NEGR1: variants seen among roughly 807,000 people sequenced by gnomAD.
NEGR1 encodes the protein neuronal growth regulator 1.
NEGR1 carries 10 observed loss-of-function variants against 40.9 expected under a neutral mutation model. The observed-to-expected ratio is 0.24, with a 90% CI of 0.15 to 0.42. The LOEUF (loss-of-function observed/expected upper bound fraction) is 0.42, where lower values mean the gene tolerates loss of function less well. Ranked by LOEUF, NEGR1 falls within the 10% of genes least tolerant of loss-of-function variation. The pLI is 1.00. For missense variants in NEGR1, 352 were observed against 438.9 expected, an observed-to-expected ratio of 0.80 and a Z score of 1.77; for synonymous variants, 185 against 166.8, an observed-to-expected ratio of 1.11 and a Z score of -0.84.
chr1:71,585,873 G>T (rs776258202), intron 6 of NEGR1, among the ~76,000 whole-genome samples: 2 of 151,994 alleles, frequency 1.3e-5, no homozygotes, highest in South Asian at 4.2e-4. Context: ...AGTTATTCAG[G>T]TTATATAGAT....
intron 6 of NEGR1, among the ~76,000 whole-genome samples, chr1:71,416,523 G>T (rs909530222): frequency 6.6e-6 from 1 of 151,930 alleles, no homozygotes; most frequent in African/African-American, 2.4e-5. Flanking sequence ...TGATTATCTG[G>T]CCTTGTAGTT....
rs183540109 is a variant in NEGR1 at position 72,135,509 on chromosome 1, A to T, written c.176+146810T>A. The stretch of plus-strand genomic sequence containing the variant: ...CAGTGATCTCTGGGAGATGGAAAAC[A>T]AATGAGTTAGATCTATGAATGCATC... On this transcript the variant is annotated intron_variant, in intron 1 of 6. Transcript: ENST00000357731. 3.3e-5 allele frequency among the ~76,000 whole-genome samples: 5 copies of T among 152,152 alleles called. No individual in the cohort carries two copies. In the East Asian group the frequency reaches 7.7e-4, roughly 24 times the overall value.
intron 4 of NEGR1, among the ~76,000 whole-genome samples, chr1:71,668,185 A>G (rs1252852074): frequency 2.0e-5 from 3 of 152,130 alleles, no homozygotes; most frequent in African/African-American, 7.2e-5. Context: ...AACAACCCTC[A>G]GTTTATCACA....
At chr1:72,245,882 A>G (rs1654886346) in intron 1 of NEGR1, among the ~76,000 whole-genome samples, 1 of 152,200 alleles carries the variant, frequency 6.6e-6, no homozygotes, top group South Asian at 2.1e-4. Context: ...AAAGTTTCAA[A>G]AATTTAATGA....
At chr1:71,896,058 G>A (rs1272155944) in intron 2 of NEGR1, among the ~76,000 whole-genome samples, 4 of 39,998 alleles carry the variant, frequency 1.0e-4, no homozygotes, top group Non-Finnish European at 1.4e-4. Flanking sequence ...TTTTTTTTTT[G>A]AGACAGTCTG....
At chr1:71,784,805 GT>G in intron 2 of NEGR1, among the ~76,000 whole-genome samples, 1 of 152,180 alleles carries the variant, frequency 6.6e-6, no homozygotes, top group Non-Finnish European at 1.5e-5. Flanking sequence ...CATGAAGTAG[GT>G]TTAGTATACA....
chr1:72,139,185 G>C (rs2100331296), intron 1 of NEGR1, among the ~76,000 whole-genome samples: 1 of 147,888 alleles, frequency 6.8e-6, no homozygotes, highest in Non-Finnish European at 1.5e-5. Context: ...TAATGGCCTA[G>C]ATTAGTAATT....
rs541513538 is a variant in NEGR1 at position 71,611,175 on chromosome 1, A to G, written c.668-29T>C. ...CAAAAGAAACAAACAAACAAATACT[A>G]GTAGATAAGTAAAAATAATCCTCAA... On this transcript the variant is annotated intron_variant, in intron 4 of 6. Coordinates refer to ENST00000357731, the MANE Select transcript of NEGR1 (RefSeq NM_173808.3). 6.9e-6 allele frequency: 11 copies of G among 1,592,798 alleles called. No individual in the cohort carries two copies. The South Asian group carries it at 1.2e-4, about 18-fold the overall frequency.
At chr1:71,428,369 C>T (rs1207427257) in intron 6 of NEGR1, among the ~76,000 whole-genome samples, 1 of 152,034 alleles carries the variant, frequency 6.6e-6, no homozygotes, top group Admixed American at 6.6e-5. Context: ...TAGTAGTGTT[C>T]AAATCAATGT....
intron 1 of NEGR1, among the ~76,000 whole-genome samples, chr1:72,105,462 G>T (rs1367578760): frequency 1.3e-5 from 2 of 151,910 alleles, no homozygotes; most frequent in South Asian, 2.1e-4. Flanking sequence ...GCACTTTGGT[G>T]GGGGGCCGAG....
At chr1:71,970,661 C>T (rs749515233) in intron 1 of NEGR1, among the ~76,000 whole-genome samples, 1 of 152,036 alleles carries the variant, frequency 6.6e-6, no homozygotes, top group Non-Finnish European at 1.5e-5. Context: ...GCAATCCACC[C>T]TGGGCAACAG....
chr1:72,239,412 C>T (rs1345722716), intron 1 of NEGR1, among the ~76,000 whole-genome samples: 1 of 151,636 alleles, frequency 6.6e-6, no homozygotes, highest in East Asian at 1.9e-4. Flanking sequence ...TTGTATTTTA[C>T]TTGTTTTGTT....
intron 4 of NEGR1, among the ~76,000 whole-genome samples, chr1:71,639,775 T>C (rs1167534310): frequency 6.6e-6 from 1 of 151,924 alleles, no homozygotes; most frequent in Non-Finnish European, 1.5e-5. Context: ...AGAGGCAGCA[T>C]GAATGGAGAC....
chr1:72,122,588 T>C (rs1398647559), intron 1 of NEGR1, among the ~76,000 whole-genome samples: 1 of 151,936 alleles, frequency 6.6e-6, no homozygotes, highest in Non-Finnish European at 1.5e-5. Context: ...ATATATTATT[T>C]GTATATTTAT....
chr1:72,243,779 C>CATGA (rs1654821570), intron 1 of NEGR1, among the ~76,000 whole-genome samples: 1 of 151,716 alleles, frequency 6.6e-6, no homozygotes, highest in Admixed American at 6.6e-5. Context: ...CATTAAGAGC[C>CATGA]TCATATGCAT....
intron 1 of NEGR1, among the ~76,000 whole-genome samples, chr1:71,977,288 T>C (rs1646313635): frequency 6.6e-6 from 1 of 152,052 alleles, no homozygotes; most frequent in Non-Finnish European, 1.5e-5. Flanking sequence ...ATCATGCCAC[T>C]GCACTCCAGC....
At chr1:71,509,329 T>A (rs1647057808) in intron 6 of NEGR1, among the ~76,000 whole-genome samples, 1 of 152,196 alleles carries the variant, frequency 6.6e-6, no homozygotes, top group Non-Finnish European at 1.5e-5. Context: ...AGAGGTCAGA[T>A]CCCAGAGTAA....
chr1:71,689,869 GTAAAA>G (rs1344809246), intron 4 of NEGR1, among the ~76,000 whole-genome samples: 3 of 151,472 alleles, frequency 2.0e-5, no homozygotes, highest in Admixed American at 2.0e-4. Context: ...ATAAATGTAA[GTAAAA>G]TAACAGTAAA....
At chr1:71,832,827 CAG>C (rs1658885208) in intron 2 of NEGR1, among the ~76,000 whole-genome samples, 1 of 151,998 alleles carries the variant, frequency 6.6e-6, no homozygotes, top group South Asian at 2.1e-4. Flanking sequence ...GAATTTCAAA[CAG>C]GGAAGCCTGT....
Sources: allele counts gnomAD v4.1 joint callset (sites outside exome capture counted in the v4.1 genomes callset), GRCh38; gene constraint gnomAD v4.1.1; transcripts MANE v1.5; gene names NCBI Gene and HGNC (gene_info 2026-07-23, HGNC 2026-07-21).